The following ASTN1 variants were observed in gnomAD, a reference collection of about 807,000 sequenced individuals.
ASTN1 encodes the protein astrotactin-1.
ASTN1 carries 41 observed loss-of-function variants against 140.7 expected under a neutral mutation model. The observed-to-expected ratio is 0.29, with a 90% CI of 0.23 to 0.38. The LOEUF (loss-of-function observed/expected upper bound fraction) is 0.38, where lower values mean the gene tolerates loss of function less well. ASTN1 is among the 10% of genes least tolerant of loss of function. The pLI is 1.00. For missense variants in ASTN1, 1,479 were observed against 1,678.8 expected, an observed-to-expected ratio of 0.88 and a Z score of 2.08; for synonymous variants, 640 against 652.2, an observed-to-expected ratio of 0.98 and a Z score of 0.29.
intron 2 of ASTN1, among the ~76,000 whole-genome samples, chr1:177,040,018 A>G (rs1035596053): frequency 8.5e-5 from 13 of 152,182 alleles, no homozygotes; most frequent in African/African-American, 3.1e-4. Context: ...CACATTATTG[A>G]CCATGAAGAT....
At chr1:176,936,009 C>T in intron 15 of ASTN1, 1 of 524,682 alleles carries the variant, frequency 1.9e-6, no homozygotes, top group Non-Finnish European at 3.5e-6. Flanking sequence ...AAAAATTATA[C>T]CTTCAATGGC....
intron 8 of ASTN1, among the ~76,000 whole-genome samples, chr1:177,007,619 G>A (rs1675062293): frequency 6.6e-6 from 1 of 152,146 alleles, no homozygotes; most frequent in South Asian, 2.1e-4. Context: ...TCCCAGACTT[G>A]TGAAATTTAA....
At chr1:177,097,664 C>T (rs763970082) in intron 1 of ASTN1, among the ~76,000 whole-genome samples, 8 of 152,076 alleles carry the variant, frequency 5.3e-5, no homozygotes, top group South Asian at 2.1e-4. Context: ...TCAACCATCC[C>T]GGAGTTTATG....
intron 16 of ASTN1, among the ~76,000 whole-genome samples, chr1:176,909,562 A>G (rs1042581920): frequency 1.4e-4 from 22 of 152,160 alleles, no homozygotes; most frequent in Non-Finnish European, 3.2e-4. Context: ...AACAGAATTA[A>G]ATTTTGGTCC....
intron 1 of ASTN1, among the ~76,000 whole-genome samples, chr1:177,070,566 C>T (rs942023243): frequency 2.5e-5 from 2 of 81,538 alleles, no homozygotes; most frequent in African/African-American, 9.9e-5. Context: ...ATCTAAGATT[C>T]AACTCAACAA....
chr1:177,148,697 T>C (rs1049861114), intron 1 of ASTN1, among the ~76,000 whole-genome samples: 2 of 151,436 alleles, frequency 1.3e-5, no homozygotes, highest in Non-Finnish European at 2.9e-5. Context: ...TATAAAGAGA[T>C]GGTGCATTAC....
intron 1 of ASTN1, among the ~76,000 whole-genome samples, chr1:177,079,355 G>A (rs1679069539): frequency 1.3e-5 from 2 of 152,136 alleles, no homozygotes; most frequent in African/African-American, 4.8e-5. Flanking sequence ...GCCAAGTGCT[G>A]GGACCAAGCG....
At chr1:177,068,839 A>C (rs1484685999) in intron 1 of ASTN1, among the ~76,000 whole-genome samples, 1 of 106,620 alleles carries the variant, frequency 9.4e-6, no homozygotes, top group East Asian at 2.6e-4. Context: ...TTTTTTTTTG[A>C]GATAGGATCT....
intron 1 of ASTN1, among the ~76,000 whole-genome samples, chr1:177,110,707 TC>T (rs1680784356): frequency 6.6e-6 from 1 of 152,100 alleles, no homozygotes; most frequent in Non-Finnish European, 1.5e-5. Flanking sequence ...TAAGGTATAA[TC>T]CCAAAGAGAT....
chr1:176,895,904 G>C (rs138426574), intron 16 of ASTN1, among the ~76,000 whole-genome samples: 1 of 152,294 alleles, frequency 6.6e-6, no homozygotes, highest in East Asian at 1.9e-4. Flanking sequence ...GCTTCAGAGA[G>C]ACCACTAAGC....
At position 176,863,631 on chromosome 1, in the gene ASTN1, A is replaced by G. The variant is rs1401667723; in HGVS notation, c.*653T>C. ...GATTTAATCCCAGTCCTGGCTTAAA[A>G]TAAGGAAGGATCTCAAAACCCAAGT... On this transcript the variant is annotated 3_prime_UTR_variant, in exon 23 of 23. Coordinates refer to ENST00000361833, the MANE Select transcript of ASTN1 (RefSeq NM_004319.3). The G allele has an allele frequency of 2.0e-6, 2 of 985,466 alleles. No homozygotes were observed. Among genetic ancestry groups the G allele is most frequent in the Admixed American group, 6.1e-5 (1 of 16,286 alleles). The allele number at this position is 985,466 out of a possible 1,614,324, so 61.0% of individuals were successfully genotyped here.
intron 1 of ASTN1, among the ~76,000 whole-genome samples, chr1:177,131,928 T>C (rs946714759): frequency 8.6e-5 from 13 of 152,022 alleles, no homozygotes; most frequent in African/African-American, 2.4e-4. Context: ...ACTAATAAGG[T>C]GAGAACTCAC....
intron 8 of ASTN1, among the ~76,000 whole-genome samples, chr1:176,980,872 C>A (rs540522381): frequency 2.0e-5 from 3 of 152,126 alleles, no homozygotes; most frequent in Admixed American, 2.0e-4. Context: ...ATTCAATCAG[C>A]AAACAATTAC....
intron 14 of ASTN1, among the ~76,000 whole-genome samples, chr1:176,942,826 ATATATATATG>A (rs1158660310): frequency 0.03 from 578 of 19,080 alleles, 73 homozygotes; most frequent in African/African-American, 0.12. Context: ...GTGTGTATAT[ATATATATATG>A]TATATATATA....
intron 1 of ASTN1, among the ~76,000 whole-genome samples, chr1:177,091,029 A>AT (rs888883516): frequency 3.9e-5 from 6 of 152,098 alleles, no homozygotes; most frequent in Admixed American, 6.6e-5. Flanking sequence ...CAAAGGAGTG[A>AT]TGAGGCTGGT....
chr1:177,053,907 C>T (rs548298383), intron 2 of ASTN1, among the ~76,000 whole-genome samples: 15 of 152,112 alleles, frequency 9.9e-5, no homozygotes, highest in Non-Finnish European at 2.1e-4. Context: ...GGTGTAGCCA[C>T]GGAAAGAAAA....
chr1:176,936,243 G>T (rs764552022), intron 15 of ASTN1, 23 bp downstream of exon 15: 5 of 1,600,108 alleles, frequency 3.1e-6, no homozygotes, highest in Non-Finnish European at 3.4e-6. Context: ...AAGGTGGGCA[G>T]GATAGCCTGC....
At chr1:177,105,359 T>C (rs1343143241) in intron 1 of ASTN1, among the ~76,000 whole-genome samples, 1 of 152,144 alleles carries the variant, frequency 6.6e-6, no homozygotes, top group African/African-American at 2.4e-5. Context: ...TGCCCAAAAG[T>C]GAAAACCTTG....
chr1:176,914,808 A>G (rs973651800), intron 16 of ASTN1, among the ~76,000 whole-genome samples: 10 of 152,222 alleles, frequency 6.6e-5, no homozygotes, highest in African/African-American at 2.4e-4. Flanking sequence ...AGAATGAGGG[A>G]CAATCCAGGG....
Sources: allele counts gnomAD v4.1 joint callset (sites outside exome capture counted in the v4.1 genomes callset), GRCh38; gene constraint gnomAD v4.1.1; transcripts MANE v1.5; gene names NCBI Gene and HGNC (gene_info 2026-07-23, HGNC 2026-07-21).